The following RELN variants were observed in gnomAD, a reference collection of about 807,000 sequenced individuals.
RELN encodes reelin.
RELN carries 108 observed loss-of-function variants against 427.6 expected under a neutral mutation model. That is an observed-to-expected ratio of 0.25 (90% CI 0.22 to 0.30). RELN has a LOEUF of 0.30. RELN is among the 10% of genes least tolerant of loss of function. The probability of loss-of-function intolerance (pLI) is 1.00; values close to 1 mark genes in which losing one functional copy is unlikely to be tolerated. For missense variants in RELN, 3,715 were observed against 4,302.8 expected, an observed-to-expected ratio of 0.86 and a Z score of 3.82; for synonymous variants, 1,524 against 1,513.4, an observed-to-expected ratio of 1.01 and a Z score of -0.16.
chr7:103,501,382 T>C (rs1375495605), intron 52 of RELN, among the ~76,000 whole-genome samples: 3 of 152,198 alleles, frequency 2.0e-5, no homozygotes, highest in African/African-American at 7.2e-5. Context: ...ATTTTCTGAA[T>C]TCCCTGAAGA....
intron 11 of RELN, among the ~76,000 whole-genome samples, chr7:103,671,987 G>A (rs1255044915): frequency 2.6e-5 from 4 of 152,066 alleles, no homozygotes; most frequent in Non-Finnish European, 5.9e-5. Context: ...AGCCTTATGA[G>A]CATTTTGTGA....
chr7:103,839,876 G>A (rs1793509683), intron 2 of RELN, among the ~76,000 whole-genome samples: 1 of 152,286 alleles, frequency 6.6e-6, no homozygotes, highest in South Asian at 2.1e-4. Context: ...ATGTCATGCT[G>A]AATTATAATT....
rs143798624 is a variant in RELN at position 103,832,578 on chromosome 7, G to A, written c.473+959C>T. On this transcript the variant is annotated intron_variant, in intron 3 of 64. Transcript: ENST00000428762. ...TGCTATGGGTGGAAAAAGGACCCCT[G>A]AATAAGAAGGATGAGGCATGGTGAC... Among the ~76,000 whole-genome samples the A allele has an allele frequency of 1.4e-3, 213 of 152,296 alleles. 2 individuals are homozygous for A. Among genetic ancestry groups the A allele is most frequent in the South Asian group, 2.9e-3 (14 of 4,826 alleles).
At chr7:103,751,173 T>C (rs116455786) in intron 5 of RELN, among the ~76,000 whole-genome samples, 85 of 152,344 alleles carry the variant, frequency 5.6e-4, no homozygotes, top group African/African-American at 1.9e-3. Context: ...ACAATTTTGT[T>C]TGAACTAGCT....
chr7:103,719,046 G>A (rs1371205247), intron 8 of RELN, among the ~76,000 whole-genome samples: 2 of 152,030 alleles, frequency 1.3e-5, no homozygotes, highest in Non-Finnish European at 2.9e-5. Context: ...AGGTTCTTTT[G>A]CAGACCTCTA....
intron 3 of RELN, among the ~76,000 whole-genome samples, chr7:103,808,090 A>G (rs1232520274): frequency 6.6e-6 from 1 of 152,160 alleles, no homozygotes; most frequent in African/African-American, 2.4e-5. Flanking sequence ...AAGAGGTTGG[A>G]AAGTCTGTTT....
intron 4 of RELN, among the ~76,000 whole-genome samples, chr7:103,764,371 T>A (rs1395683177): frequency 4.6e-5 from 7 of 152,126 alleles, no homozygotes; most frequent in Non-Finnish European, 7.3e-5. Context: ...ACTCAAAGAT[T>A]TCATGGCTAG....
At chr7:103,717,735 T>C (rs1054532799) in intron 8 of RELN, among the ~76,000 whole-genome samples, 1 of 152,088 alleles carries the variant, frequency 6.6e-6, no homozygotes, top group African/African-American at 2.4e-5. Context: ...GTTCACTATT[T>C]CATAATAAGT....
chr7:103,696,428 T>C (rs1487749767), intron 10 of RELN, among the ~76,000 whole-genome samples: 3 of 152,088 alleles, frequency 2.0e-5, no homozygotes, highest in Non-Finnish European at 4.4e-5. Flanking sequence ...TCCCACCAAA[T>C]AGTTCTTCTT....
chr7:103,632,269 GA>G (rs1278609397), intron 19 of RELN, among the ~76,000 whole-genome samples: 1 of 152,170 alleles, frequency 6.6e-6, no homozygotes, highest in Non-Finnish European at 1.5e-5. Flanking sequence ...TGTGAAATTA[GA>G]ATAATGCTAT....
At chr7:103,684,613 C>A (rs1254812787) in intron 10 of RELN, among the ~76,000 whole-genome samples, 1 of 152,056 alleles carries the variant, frequency 6.6e-6, no homozygotes, top group African/African-American at 2.4e-5. Flanking sequence ...GATTAGAAAG[C>A]GTGTTGAAAT....
Position 103,636,349 on chromosome 7 carries a change from C to T in RELN, c.2189G>A (p.Arg730His), listed in dbSNP as rs370858334. 87 of 1,613,760 alleles carry T rather than the reference C, an allele frequency of 5.4e-5. No homozygotes were observed. Among genetic ancestry groups the T allele is most frequent in the Non-Finnish European group, 6.8e-5 (80 of 1,179,890 alleles). The change falls in exon 18 of 65, where the codon CGT (arginine) becomes CAT (histidine). Residue 730 changes from arginine (R) to histidine (H), a missense_variant. Arg to His is a conservative substitution (Grantham distance 29). Transcript: ENST00000428762. ...ACAACCAAAGCTGACTTCAGCACCA[C>T]GGATAGAGTAAAAGTTATGGTAAGA... ...LSSYHNFYSI[R>H]GAEVSFGCGV...
At chr7:103,484,893 A>T (rs1338101608) in intron 61 of RELN, among the ~76,000 whole-genome samples, 2 of 152,184 alleles carry the variant, frequency 1.3e-5, no homozygotes, top group African/African-American at 4.8e-5. Context: ...CTGTCTGGAG[A>T]TCAGAGCTGA....
At position 103,826,319 on chromosome 7, in the gene RELN, A is replaced by AGTGTGTGTGT. The variant is rs768090469; in HGVS notation, c.473+7217_473+7218insACACACACAC. On this transcript the variant is annotated intron_variant, in intron 3 of 64. Coordinates refer to ENST00000428762, the MANE Select transcript of RELN (RefSeq NM_005045.4). ...ACAGAAGCACAAAACAGACTAAGACAATGTGTGTGTGTGTGTGTGTGTGTG... is the reference window on the plus strand; with the variant it reads ...ACAGAAGCACAAAACAGACTAAGACAGTGTGTGTGTATGTGTGTGTGTGTGTGTGTGTGTG... Among the ~76,000 whole-genome samples, 934 of 137,546 alleles carry AGTGTGTGTGT rather than the reference A, an allele frequency of 6.8e-3. 10 individuals carry two copies. The highest frequency in any genetic ancestry group is 0.015 in the Middle Eastern group (4 of 268). 90.2% of individuals were successfully genotyped at this position (137,546 alleles called of 152,430 possible).
intron 20 of RELN, among the ~76,000 whole-genome samples, chr7:103,614,864 G>A (rs922361017): frequency 3.3e-5 from 5 of 152,084 alleles, no homozygotes; most frequent in Admixed American, 3.3e-4. Flanking sequence ...CATTCATAGC[G>A]TTAGTCTACT....
At chr7:103,895,962 C>T (rs1436028801) in intron 2 of RELN, among the ~76,000 whole-genome samples, 1 of 152,030 alleles carries the variant, frequency 6.6e-6, no homozygotes, top group African/African-American at 2.4e-5. Context: ...GACTGATACA[C>T]AGGATATATT....
intron 64 of RELN, chr7:103,476,639 C>A: frequency 4.6e-6 from 1 of 217,006 alleles, no homozygotes; most frequent in Non-Finnish European, 1.0e-5. Context: ...GAAAATCAAC[C>A]ATTATGGCAA....
At chr7:103,566,580 C>T (rs1477942454) in intron 32 of RELN, 21 bp downstream of exon 32, 25 of 1,613,752 alleles carry the variant, frequency 1.5e-5, no homozygotes, top group East Asian at 2.2e-5. Context: ...TACCAGAAAG[C>T]TGGAGTGAGC....
chr7:103,926,099 CTTT>C lies in RELN; in HGVS notation c.227-8917_227-8915del, dbSNP rs55899563. Reference sequence around the variant, plus strand: ...CATAAATATATGACCCCCACCCCGCCTTTTTTTTTTTTTTTTTTTTGAGATGGA... The same window carrying C: ...CATAAATATATGACCCCCACCCCGCCTTTTTTTTTTTTTTTTTGAGATGGA... On this transcript the variant is annotated intron_variant, in intron 1 of 64. Transcript: ENST00000428762. Among the ~76,000 whole-genome samples the C allele has an allele frequency of 7.4e-3, 662 of 90,066 alleles. 7 individuals carry two copies. Among genetic ancestry groups the C allele is most frequent in the African/African-American group, 0.027 (620 of 22,882 alleles). The allele number at this position is 90,066 out of a possible 152,430, so 59.1% of individuals were successfully genotyped here.
Sources: gnomAD v4.1 joint callset for allele counts (sites outside exome capture counted in the v4.1 genomes callset) on GRCh38, gnomAD v4.1.1 for gene constraint, MANE v1.5 for transcripts, NCBI Gene and HGNC (gene_info 2026-07-23, HGNC 2026-07-21) for gene names.